PRSS55: variants seen among roughly 807,000 people sequenced by gnomAD.
PRSS55 encodes the protein probable serine protease UNQ9391/PRO34284.
In PRSS55, 41 loss-of-function variants were observed where a neutral mutation model predicts 23.6. The observed-to-expected ratio is 1.74, with a 90% CI of 1.35 to 2.26. The LOEUF is 2.26. Ranked by LOEUF, PRSS55 falls within the 30% of genes most tolerant of loss-of-function variation. The pLI is 0.00. For missense variants in PRSS55, 669 were observed against 439.1 expected, an observed-to-expected ratio of 1.52 and a Z score of -4.68; for synonymous variants, 262 against 175.5, an observed-to-expected ratio of 1.49 and a Z score of -3.90.
At chr8:10,527,976 G>T (rs538140796) in intron 1 of PRSS55, among the ~76,000 whole-genome samples, 1 of 152,292 alleles carries the variant, frequency 6.6e-6, no homozygotes, top group African/African-American at 2.4e-5. Flanking sequence ...ACTTTGGGAG[G>T]CCGAGGCGGG....
At chr8:10,541,450 G>T, downstream of PRSS55, 1 of 152,092 alleles carries the variant, frequency 6.6e-6, no homozygotes, top group Non-Finnish European at 1.5e-5. Context: ...GCTCTTCTGG[G>T]GCTCTGCCTG....
At position 10,525,628 on chromosome 8, in the gene PRSS55, G is replaced by T. The variant is rs35102108; in HGVS notation, c.43G>T (p.Gly15Ter). 8 of 1,613,924 alleles carry T rather than the reference G, an allele frequency of 5.0e-6. No individual in the cohort carries two copies. Among genetic ancestry groups the T allele is most frequent in the Non-Finnish European group, 6.8e-6 (8 of 1,179,982 alleles). Residue 15 changes from glycine (G) to a stop codon, truncating the protein, a stop_gained, in exon 1 of 5, where the codon GGA becomes TGA. Coordinates refer to ENST00000328655, the MANE Select transcript of PRSS55 (RefSeq NM_198464.4). LOFTEE classifies it high-confidence loss of function. ...SVLLLLSLVTGTQLGPRTPLP... is the reference protein window; with the variant it reads ...SVLLLLSLVT ...GTTGCTGCTCCTGTCCCTGGTCACG[G>T]GAACTCAGCTCGGTCCACGGACTCC...
At chr8:10,534,970 T>C (rs10104228) in intron 4 of PRSS55, among the ~76,000 whole-genome samples, 7,469 of 152,030 alleles carry the variant, frequency 0.049, 598 homozygotes, top group African/African-American at 0.17. Flanking sequence ...ATTCACAATA[T>C]CCGCCAAAAG....
chr8:10,538,862 G>A, downstream of PRSS55: 2 of 1,424,668 alleles, frequency 1.4e-6, no homozygotes, highest in Non-Finnish European at 1.9e-6. Flanking sequence ...CAGAGGCTCT[G>A]TCTGCAGCTC....
chr8:10,539,007 C>G (rs1812559495), downstream of PRSS55, among the ~76,000 whole-genome samples: 1 of 151,054 alleles, frequency 6.6e-6, no homozygotes, highest in Admixed American at 6.6e-5. Flanking sequence ...TCACCTAATT[C>G]TGACTGAATT....
intron 4 of PRSS55, among the ~76,000 whole-genome samples, chr8:10,536,410 G>C (rs1360103504): frequency 6.6e-6 from 1 of 152,162 alleles, no homozygotes; most frequent in Non-Finnish European, 1.5e-5. Context: ...CTACACTTCT[G>C]GTGGGAATGT....
Position 10,525,643 on chromosome 8 carries a change from C to T in PRSS55, c.58C>T (p.Pro20Ser), listed in dbSNP as rs932219981. The T allele has an allele frequency of 2.5e-6, 4 of 1,614,042 alleles. No individual in the cohort carries two copies. The highest frequency in any genetic ancestry group is 3.4e-6 in the Non-Finnish European group (4 of 1,180,026). Residue 20 changes from proline to serine, a missense_variant, in exon 1 of 5, where the codon CCA becomes TCA. Pro to Ser is a moderately conservative substitution (Grantham distance 74, BLOSUM62 -1). Coordinates refer to ENST00000328655, the MANE Select transcript of PRSS55 (RefSeq NM_198464.4). ...CCTGGTCACGGGAACTCAGCTCGGT[C>T]CACGGACTCCTCTCCCAGAGGCTGG... ...LSLVTGTQLGPRTPLPEAGVA... is the reference protein window; with the variant it reads ...LSLVTGTQLGSRTPLPEAGVA...
chr8:10,550,219 G>A (rs968631720), intron 4 of PRSS55, among the ~76,000 whole-genome samples: 5 of 152,116 alleles, frequency 3.3e-5, no homozygotes, highest in Non-Finnish European at 5.9e-5. Context: ...CATTGCGCCC[G>A]GCCCACAGGG....
intron 4 of PRSS55, among the ~76,000 whole-genome samples, chr8:10,547,278 C>G (rs1236084470): frequency 6.6e-6 from 1 of 152,208 alleles, no homozygotes; most frequent in African/African-American, 2.4e-5. Flanking sequence ...GACACAGGGG[C>G]ATCACCCCTC....
intron 4 of PRSS55, among the ~76,000 whole-genome samples, chr8:10,537,237 G>C (rs761432617): frequency 6.6e-6 from 1 of 152,112 alleles, no homozygotes; most frequent in Non-Finnish European, 1.5e-5. Flanking sequence ...AAGTTTCCAC[G>C]AATGGATGAA....
At chr8:10,527,233 G>A (rs1029387206) in intron 1 of PRSS55, among the ~76,000 whole-genome samples, 2 of 152,212 alleles carry the variant, frequency 1.3e-5, no homozygotes, top group African/African-American at 2.4e-5. Flanking sequence ...TTGATGATAT[G>A]GATGTGGCTT....
At chr8:10,529,815 G>C in intron 2 of PRSS55, 116 bp downstream of exon 2, 1 of 1,028,898 alleles carries the variant, frequency 9.7e-7, no homozygotes, top group South Asian at 1.5e-5. Flanking sequence ...TATCCAGTCG[G>C]CATGAATGGC....
chr8:10,547,948 AGAG>A (rs778992055), intron 4 of PRSS55, among the ~76,000 whole-genome samples: 53 of 144,232 alleles, frequency 3.7e-4, no homozygotes, highest in Non-Finnish European at 5.6e-4. Context: ...GGAGAGGCAC[AGAG>A]GAGAACAGGG....
rs777319625 is a variant in PRSS55, at chr8:10,529,501, C to T, written c.155-6C>T. The stretch of plus-strand genomic sequence containing the variant: ...TTTTCCTTTCCACTCTCTTTCTTTC[C>T]ACCAGAATGTGGTGACAGATCTATT... On this transcript the variant is annotated splice_polypyrimidine_tract_variant and splice_region_variant and intron_variant, in intron 1 of 4. Coordinates refer to ENST00000328655, the MANE Select transcript of PRSS55 (RefSeq NM_198464.4). The T allele has an allele frequency of 5.2e-5, 84 of 1,613,714 alleles. No homozygotes were observed. Among genetic ancestry groups the T allele is most frequent in the Non-Finnish European group, 6.8e-5 (80 of 1,179,738 alleles).
intron 4 of PRSS55, among the ~76,000 whole-genome samples, chr8:10,548,832 T>C (rs1206963895): frequency 6.6e-6 from 1 of 152,008 alleles, no homozygotes; most frequent in African/African-American, 2.4e-5. Flanking sequence ...TTAAAGCATC[T>C]CCCGTGTGTC....
At chr8:10,536,268 C>A (rs868236370) in intron 4 of PRSS55, among the ~76,000 whole-genome samples, 1 of 152,060 alleles carries the variant, frequency 6.6e-6, no homozygotes, top group Non-Finnish European at 1.5e-5. Flanking sequence ...AAATAAAGCT[C>A]AATATCACTA....
chr8:10,545,800 C>T (rs927090076), intron 4 of PRSS55, among the ~76,000 whole-genome samples: 5 of 152,216 alleles, frequency 3.3e-5, no homozygotes, highest in East Asian at 3.8e-4. Flanking sequence ...CCCAGAATAG[C>T]TTAATTGGGC....
In PRSS55 at chr8:10,531,280, G is replaced by A. The variant is rs780902076; in HGVS notation, c.348-15G>A. On this transcript the variant is annotated splice_polypyrimidine_tract_variant and intron_variant, in intron 2 of 4. Coordinates refer to ENST00000328655, the MANE Select transcript of PRSS55 (RefSeq NM_198464.4). ...TTCCCCTTCCACTTGCCCCTCTCTG[G>A]TTCTCTGCCACCAGTCCAGAAGAAC... 1 of 1,612,488 alleles carries A rather than the reference G, an allele frequency of 6.2e-7. No individual in the cohort carries two copies. Among genetic ancestry groups the A allele is most frequent in the Non-Finnish European group, 8.5e-7 (1 of 1,178,788 alleles).
rs746708186 is a variant in PRSS55 at position 10,529,446 on chromosome 8, T to C, written c.155-61T>C. On this transcript the variant is annotated intron_variant, in intron 1 of 4. Coordinates refer to ENST00000328655, the MANE Select transcript of PRSS55 (RefSeq NM_198464.4). Reference sequence around the variant, plus strand: ...TGCTCCTCCCAGCCCGGTCCCCAGCTCACACTGGATGCTGACTAAGTGTTT... The same window carrying C: ...TGCTCCTCCCAGCCCGGTCCCCAGCCCACACTGGATGCTGACTAAGTGTTT... 3.2e-6 allele frequency: 5 copies of C among 1,546,060 alleles called. No homozygotes were observed. The East Asian group carries it at 6.7e-5, about 21-fold the overall frequency.
Sources: allele counts gnomAD v4.1 joint callset (sites outside exome capture counted in the v4.1 genomes callset), GRCh38; gene constraint gnomAD v4.1.1; transcripts MANE v1.5; gene names NCBI Gene and HGNC (gene_info 2026-07-23, HGNC 2026-07-21).